ZNF670: variants seen among roughly 807,000 people sequenced by gnomAD.
ZNF670 encodes zinc finger protein 670.
ZNF670 carries 7 observed loss-of-function variants against 10.9 expected under a neutral mutation model. The ratio of observed to expected loss-of-function variants is 0.64; its 90% CI spans 0.36 to 1.20. The LOEUF (loss-of-function observed/expected upper bound fraction) is 1.20, where lower values mean the gene tolerates loss of function less well. Ranked by LOEUF, ZNF670 falls within the 50% of genes most tolerant of loss-of-function variation. The probability of loss-of-function intolerance (pLI) is 0.02; values close to 1 mark genes in which losing one functional copy is unlikely to be tolerated. For missense variants in ZNF670, 446 were observed against 458.6 expected (o/e 0.97, Z 0.25); for synonymous variants, 136 against 152.7 (o/e 0.89, Z 0.81).
rs148088608 is a variant in ZNF670 at position 247,074,918 on chromosome 1, G to A, written c.3+3676C>T. On this transcript the variant is annotated intron_variant, in intron 1 of 3. Transcript: ENST00000366503. The stretch of plus-strand genomic sequence containing the variant: ...GAATAATGTCTAGAAAGAATGCCAG[G>A]ACAATGAAAATTACACCCTTAAAAA... 2.8e-3 allele frequency among the ~76,000 whole-genome samples: 428 copies of A among 152,264 alleles called. 2 individuals carry two copies. Among genetic ancestry groups the A allele is most frequent in the Non-Finnish European group, 3.5e-3 (240 of 68,020 alleles).
chr1:247,062,192 T>C (rs2103066324), intron 1 of ZNF670, among the ~76,000 whole-genome samples: 1 of 145,722 alleles, frequency 6.9e-6, no homozygotes, highest in Non-Finnish European at 1.5e-5. Context: ...TTTACGACAC[T>C]TTTTTTTTTC....
intron 1 of ZNF670, among the ~76,000 whole-genome samples, chr1:247,071,318 G>A (rs1207730430): frequency 6.6e-6 from 1 of 152,200 alleles, no homozygotes; most frequent in Non-Finnish European, 1.5e-5. Context: ...CACGCCCTTT[G>A]CAGCAACATG....
intron 1 of ZNF670, among the ~76,000 whole-genome samples, chr1:247,048,016 TTACA>T (rs1325718334): frequency 6.6e-6 from 1 of 152,240 alleles, no homozygotes; most frequent in African/African-American, 2.4e-5. Flanking sequence ...TCCTCATTAC[TTACA>T]TAAATTTCTG....
At position 247,037,640 on chromosome 1, in the gene ZNF670, G is replaced by T. The variant is rs765544070; in HGVS notation, c.979C>A (p.His327Asn). The change falls in exon 4 of 4, where the codon CAT becomes AAT. Residue 327 changes from histidine to asparagine, a missense_variant. Transcript: ENST00000366503. The stretch of plus-strand genomic sequence containing the variant: ...TTCACTCCAGTGTGAGTTCTTTCAT[G>T]CTCACATAGGTTACTAGAATATTTG... Reference protein sequence around the residue: ...AFKYSSNLCEHERTHTGVKPY... With the variant: ...AFKYSSNLCENERTHTGVKPY... 8 of 1,613,978 alleles carry T rather than the reference G, an allele frequency of 5.0e-6. No individual in the cohort carries two copies. Among genetic ancestry groups the T allele is most frequent in the Non-Finnish European group, 5.9e-6 (7 of 1,179,956 alleles).
chr1:247,039,834 T>C (rs930986811), intron 1 of ZNF670, among the ~76,000 whole-genome samples: 1 of 152,182 alleles, frequency 6.6e-6, no homozygotes, highest in Non-Finnish European at 1.5e-5. Context: ...TATGTGTAGA[T>C]TTTATCTTAA....
chr1:247,039,011 C>A (rs35831276), intron 2 of ZNF670, 141 bp from the exon 3 acceptor site: 24 of 503,372 alleles, frequency 4.8e-5, no homozygotes, highest in Non-Finnish European at 7.6e-5. Flanking sequence ...AGGAAACATT[C>A]ATAACCAAGA....
intron 1 of ZNF670, among the ~76,000 whole-genome samples, chr1:247,075,896 C>T (rs1671239925): frequency 6.6e-6 from 1 of 152,166 alleles, no homozygotes; most frequent in Non-Finnish European, 1.5e-5. Flanking sequence ...ACTACACTCA[C>T]TCTTGGGAAG....
At chr1:247,050,707 C>T (rs138572076) in intron 1 of ZNF670, among the ~76,000 whole-genome samples, 2,872 of 152,080 alleles carry the variant, frequency 0.019, 50 homozygotes, top group Non-Finnish European at 0.028. Flanking sequence ...AACTCCTGAC[C>T]TCGTGATCTG....
In ZNF670 at chr1:247,035,960, C is replaced by T. The variant is rs942691560; in HGVS notation, c.*1489G>A. Among the ~76,000 whole-genome samples, 3 of 152,128 alleles carry T rather than the reference C, an allele frequency of 2.0e-5. No homozygotes were observed. Among genetic ancestry groups the T allele is most frequent in the South Asian group, 4.1e-4 (2 of 4,832 alleles). ...ATTTCTGTTGAGCATAAGACTGGTG[C>T]TCAAACAGTTTTTGACTTCGGAGCA... is the stretch of plus-strand genomic sequence containing the variant. On this transcript the variant is annotated 3_prime_UTR_variant, in exon 4 of 4. Transcript: ENST00000366503.
intron 1 of ZNF670, among the ~76,000 whole-genome samples, chr1:247,067,236 G>A (rs1411548891): frequency 6.6e-6 from 1 of 151,574 alleles, no homozygotes; most frequent in African/African-American, 2.4e-5. Context: ...AGGAGTTCAA[G>A]ACCAGCCTGG....
chr1:247,069,549 GT>G (rs1293259744), intron 1 of ZNF670, among the ~76,000 whole-genome samples: 1 of 150,756 alleles, frequency 6.6e-6, no homozygotes, highest in Non-Finnish European at 1.5e-5. Flanking sequence ...CCACACTCTC[GT>G]TTGTTGTAGC....
chr1:247,043,496 A>G, intron 1 of ZNF670: 1 of 653,114 alleles, frequency 1.5e-6, no homozygotes, highest in Admixed American at 2.0e-5. Context: ...TCTCAAAAAT[A>G]ACAAAAGCTG....
chr1:247,052,539 G>A (rs899588434), intron 1 of ZNF670, among the ~76,000 whole-genome samples: 5 of 151,308 alleles, frequency 3.3e-5, no homozygotes, highest in Admixed American at 3.3e-4. Context: ...TAGTTTTTTG[G>A]GTTTTTTTTT....
intron 1 of ZNF670, among the ~76,000 whole-genome samples, chr1:247,058,690 T>C (rs977115009): frequency 7.0e-6 from 1 of 143,424 alleles, no homozygotes; most frequent in Non-Finnish European, 1.5e-5. Context: ...CCATCATTAC[T>C]ACTAATCCTA....
intron 1 of ZNF670, among the ~76,000 whole-genome samples, chr1:247,073,066 A>G (rs1449180298): frequency 6.6e-6 from 1 of 151,886 alleles, no homozygotes; most frequent in East Asian, 1.9e-4. Flanking sequence ...GAACACCAGA[A>G]CTGCACAAGG....
chr1:247,053,979 C>A (rs1219526239), intron 1 of ZNF670, among the ~76,000 whole-genome samples: 1 of 152,230 alleles, frequency 6.6e-6, no homozygotes, highest in Non-Finnish European at 1.5e-5. Context: ...CACCCTTCCT[C>A]CATTACCTGG....
At chr1:247,053,127 C>G (rs1670635615) in intron 1 of ZNF670, among the ~76,000 whole-genome samples, 1 of 152,160 alleles carries the variant, frequency 6.6e-6, no homozygotes, top group Non-Finnish European at 1.5e-5. Flanking sequence ...AAGCCAGTCT[C>G]ACTCTCACCC....
In ZNF670 at chr1:247,036,570, G is replaced by C. The variant is rs1050280161; in HGVS notation, c.*879C>G. Among the ~76,000 whole-genome samples, 14 of 152,126 alleles carry C rather than the reference G, an allele frequency of 9.2e-5. No individual in the cohort carries two copies. The highest frequency in any genetic ancestry group is 1.3e-4 in the Admixed American group (2 of 15,260). On this transcript the variant is annotated 3_prime_UTR_variant, in exon 4 of 4. Coordinates refer to ENST00000366503, the MANE Select transcript of ZNF670 (RefSeq NM_033213.5). ...CCAGCTACATAGGAGGCTAAGGTGG[G>C]AGAATCACTTGAGCCCAGGAATTTG...
At chr1:247,054,455 A>G (rs527948323) in intron 1 of ZNF670, among the ~76,000 whole-genome samples, 11 of 152,344 alleles carry the variant, frequency 7.2e-5, no homozygotes, top group African/African-American at 2.6e-4. Context: ...TGCAACTTTG[A>G]TAAGAGCTCA....
Sources: allele counts gnomAD v4.1 joint callset (sites outside exome capture counted in the v4.1 genomes callset), GRCh38; gene constraint gnomAD v4.1.1; transcripts MANE v1.5; gene names NCBI Gene and HGNC (gene_info 2026-07-23, HGNC 2026-07-21).